HS3ST4: variants seen among roughly 807,000 people sequenced by gnomAD.
The protein encoded by HS3ST4 is heparan sulfate glucosamine 3-O-sulfotransferase 4.
A neutral mutation model predicts 29.2 loss-of-function variants in HS3ST4; 17 were observed. That is an observed-to-expected ratio of 0.58 (90% CI 0.40 to 0.87). HS3ST4 has a LOEUF of 0.87. Ranked by LOEUF, HS3ST4 falls within the 40% of genes least tolerant of loss-of-function variation. The pLI is 0.00. For missense variants in HS3ST4, 627 were observed against 634.5 expected (o/e 0.99, Z 0.13); for synonymous variants, 314 against 285.7 (o/e 1.10, Z -1.00).
intron 1 of HS3ST4, among the ~76,000 whole-genome samples, chr16:26,008,661 A>C (rs1364051348): frequency 1.3e-5 from 2 of 152,138 alleles, no homozygotes; most frequent in Non-Finnish European, 2.9e-5. Flanking sequence ...TCTACTAAAA[A>C]TATAAAAAAT....
At chr16:26,057,497 G>T (rs1898424147) in intron 1 of HS3ST4, among the ~76,000 whole-genome samples, 1 of 152,192 alleles carries the variant, frequency 6.6e-6, no homozygotes, top group Non-Finnish European at 1.5e-5. Flanking sequence ...GCTCACGCCT[G>T]TAATCTCAGC....
intron 1 of HS3ST4, among the ~76,000 whole-genome samples, chr16:26,108,670 C>T (rs1899088259): frequency 6.6e-6 from 1 of 152,080 alleles, no homozygotes. Context: ...TGAGTTTATT[C>T]TTGTAAAGCT....
chr16:25,901,514 T>G (rs528587467), intron 1 of HS3ST4, among the ~76,000 whole-genome samples: 11 of 152,176 alleles, frequency 7.2e-5, no homozygotes, highest in African/African-American at 2.4e-4. Context: ...CTACCAAAAA[T>G]GCAAAAATTA....
chr16:26,110,597 A>T (rs8050835), intron 1 of HS3ST4, among the ~76,000 whole-genome samples: 5,232 of 152,240 alleles, frequency 0.034, 143 homozygotes, highest in Middle Eastern at 0.095. Context: ...GAATCTTCCC[A>T]CTTCACCGCT....
intron 1 of HS3ST4, among the ~76,000 whole-genome samples, chr16:25,755,501 G>A (rs556591804): frequency 1.1e-4 from 17 of 152,274 alleles, no homozygotes; most frequent in Middle Eastern, 3.4e-3. Context: ...ACAGGGTAGT[G>A]CTGGGAGATG....
chr16:25,786,464 G>T (rs1355003079), intron 1 of HS3ST4, among the ~76,000 whole-genome samples: 2 of 152,130 alleles, frequency 1.3e-5, no homozygotes, highest in African/African-American at 4.8e-5. Flanking sequence ...ACTCAATCAG[G>T]TTACCAAGAT....
At chr16:25,862,653 A>G (rs117729332) in intron 1 of HS3ST4, among the ~76,000 whole-genome samples, 2,488 of 152,290 alleles carry the variant, frequency 0.016, 31 homozygotes, top group Non-Finnish European at 0.026. Context: ...GTCGTACAGT[A>G]AGTATTCCGC....
intron 1 of HS3ST4, among the ~76,000 whole-genome samples, chr16:26,114,736 C>T (rs1472872562): frequency 3.3e-5 from 5 of 152,242 alleles, no homozygotes; most frequent in Middle Eastern, 3.4e-3. Context: ...CCATTAAAGG[C>T]TGGTGAAGGG....
At chr16:26,109,762 C>G (rs1461625427) in intron 1 of HS3ST4, among the ~76,000 whole-genome samples, 1 of 150,828 alleles carries the variant, frequency 6.6e-6, no homozygotes, top group Non-Finnish European at 1.5e-5. Flanking sequence ...TTTTTCCCAG[C>G]TCTATTTAGG....
chr16:25,706,900 G>T (rs34015379), intron 1 of HS3ST4, among the ~76,000 whole-genome samples: 12,631 of 152,190 alleles, frequency 0.083, 720 homozygotes, highest in East Asian at 0.17. Flanking sequence ...GTTACCCATG[G>T]TTAACTGTGC....
At chr16:25,727,482 A>G (rs11074711) in intron 1 of HS3ST4, among the ~76,000 whole-genome samples, 79,236 of 152,102 alleles carry the variant, frequency 0.52, 21,309 homozygotes, top group Middle Eastern at 0.62. Flanking sequence ...GTTAGCAAGT[A>G]TAAGATACTT....
chr16:26,043,594 C>T (rs1186449581), intron 1 of HS3ST4, among the ~76,000 whole-genome samples: 2 of 152,138 alleles, frequency 1.3e-5, no homozygotes, highest in Non-Finnish European at 2.9e-5. Flanking sequence ...GGGTATCAGA[C>T]ACAGCTTCCT....
intron 1 of HS3ST4, among the ~76,000 whole-genome samples, chr16:26,080,116 T>C (rs1166936390): frequency 6.6e-6 from 1 of 152,078 alleles, no homozygotes; most frequent in Non-Finnish European, 1.5e-5. Context: ...AGAAATGCTC[T>C]TCACCTCTGC....
intron 1 of HS3ST4, among the ~76,000 whole-genome samples, chr16:25,773,043 T>A (rs558738208): frequency 6.6e-6 from 1 of 152,256 alleles, no homozygotes; most frequent in African/African-American, 2.4e-5. Flanking sequence ...AAGAAGAAAT[T>A]GGATCAGACA....
intron 1 of HS3ST4, among the ~76,000 whole-genome samples, chr16:25,854,733 C>G (rs1967557894): frequency 6.6e-6 from 1 of 150,960 alleles, no homozygotes; most frequent in Admixed American, 6.6e-5. Flanking sequence ...TTATAATCCA[C>G]TGTTATTTTA....
At chr16:25,847,108 G>A (rs545889363) in intron 1 of HS3ST4, among the ~76,000 whole-genome samples, 4 of 150,448 alleles carry the variant, frequency 2.7e-5, no homozygotes, top group African/African-American at 9.8e-5. Context: ...GGAATTCTTA[G>A]CAGGATTACA....
intron 1 of HS3ST4, among the ~76,000 whole-genome samples, chr16:25,904,151 G>A (rs571671125): frequency 4.6e-5 from 3 of 65,226 alleles, no homozygotes; most frequent in East Asian, 2.9e-4. Context: ...TGGATGGATG[G>A]ATGAATGGAT....
chr16:25,834,158 C>T (rs1426230631), intron 1 of HS3ST4, among the ~76,000 whole-genome samples: 1 of 152,160 alleles, frequency 6.6e-6, no homozygotes, highest in Non-Finnish European at 1.5e-5. Context: ...TATTTTATGA[C>T]CTACCACTTC....
chr16:25,806,602 AT>A (rs528120632), intron 1 of HS3ST4, among the ~76,000 whole-genome samples: 6 of 151,866 alleles, frequency 4.0e-5, no homozygotes, highest in Admixed American at 1.3e-4. Flanking sequence ...TCTTTTGCTC[AT>A]TTTTTTTAAT....
Sources: gnomAD v4.1 joint callset for allele counts (sites outside exome capture counted in the v4.1 genomes callset) on GRCh38, gnomAD v4.1.1 for gene constraint, MANE v1.5 for transcripts, NCBI Gene and HGNC (gene_info 2026-07-23, HGNC 2026-07-21) for gene names.